Variants in LRFN5 observed in about 807,000 individuals in gnomAD.
The protein encoded by LRFN5 is leucine rich repeat and fibronectin type III domain containing 5.
A neutral mutation model predicts 45.6 loss-of-function variants in LRFN5; 24 were observed. The observed-to-expected ratio is 0.53, with a 90% CI of 0.38 to 0.74. The LOEUF (loss-of-function observed/expected upper bound fraction) is 0.74, where lower values mean the gene tolerates loss of function less well. Among genes scored for constraint, LRFN5 ranks in the 30% least tolerant of loss-of-function variants. The pLI is 0.00. For synonymous variants in LRFN5, 340 were observed against 313.8 expected, an observed-to-expected ratio of 1.08 and a Z score of -0.88; for missense variants, 776 against 861.5, an observed-to-expected ratio of 0.90 and a Z score of 1.24.
chr14:41,646,906 T>A (rs1305586905), intron 1 of LRFN5, among the ~76,000 whole-genome samples: 1 of 152,150 alleles, frequency 6.6e-6, no homozygotes, highest in Non-Finnish European at 1.5e-5. Context: ...CAAGCCACAC[T>A]CTGGGTGCTT....
Position 41,772,644 on chromosome 14 carries a change from A to C in LRFN5, c.-21+5615A>C, listed in dbSNP as rs1333736366. ...AAATTTGTATAGCACAGACCTTGCT[A>C]GTCAATTCCAAATTGATATATCTAA... On this transcript the variant is annotated intron_variant, in intron 2 of 5. Coordinates refer to ENST00000298119, the MANE Select transcript of LRFN5 (RefSeq NM_152447.5). 2.6e-5 allele frequency among the ~76,000 whole-genome samples: 4 copies of C among 152,210 alleles called. No homozygotes were observed. In the East Asian group the frequency reaches 7.7e-4, roughly 29 times the overall value.
chr14:41,623,511 G>A (rs575000738), intron 1 of LRFN5, among the ~76,000 whole-genome samples: 6 of 152,246 alleles, frequency 3.9e-5, no homozygotes, highest in African/African-American at 1.4e-4. Flanking sequence ...TGGCATGTCA[G>A]CAAAGTAATC....
chr14:41,660,197 T>A (rs865950762), intron 1 of LRFN5, among the ~76,000 whole-genome samples: 1 of 152,016 alleles, frequency 6.6e-6, no homozygotes, highest in Non-Finnish European at 1.5e-5. Context: ...AGATAATTTT[T>A]GTATTTTTAA....
intron 2 of LRFN5, among the ~76,000 whole-genome samples, chr14:41,825,289 G>A (rs1402503475): frequency 6.6e-6 from 1 of 152,162 alleles, no homozygotes. Flanking sequence ...AGGGTTGGGA[G>A]GGGGAGAAGT....
chr14:41,815,732 T>A (rs1432231433), intron 2 of LRFN5, among the ~76,000 whole-genome samples: 1 of 151,898 alleles, frequency 6.6e-6, no homozygotes, highest in Non-Finnish European at 1.5e-5. Flanking sequence ...GGTGACAGAG[T>A]GAGACCTTGT....
intron 1 of LRFN5, among the ~76,000 whole-genome samples, chr14:41,674,886 C>G (rs545541449): frequency 6.7e-6 from 1 of 149,864 alleles, no homozygotes; most frequent in Non-Finnish European, 1.5e-5. Context: ...GCTTCTCAGA[C>G]GGAACGGCCG....
chr14:41,867,551 T>C (rs1889881405), intron 2 of LRFN5, among the ~76,000 whole-genome samples: 1 of 152,158 alleles, frequency 6.6e-6, no homozygotes, highest in African/African-American at 2.4e-5. Context: ...AAGTTTTGTT[T>C]TGGTTAGGAT....
intron 1 of LRFN5, among the ~76,000 whole-genome samples, chr14:41,639,715 TAAA>T (rs1308429867): frequency 6.6e-6 from 1 of 152,134 alleles, no homozygotes; most frequent in Non-Finnish European, 1.5e-5. Context: ...AGAGTTATAA[TAAA>T]AACTGTTGCA....
At position 41,805,554 on chromosome 14, in the gene LRFN5, C is replaced by CA. The variant is rs927263829; in HGVS notation, c.-21+38525_-21+38526insA. Among the ~76,000 whole-genome samples the CA allele has an allele frequency of 5.3e-5, 6 of 112,622 alleles. 1 individual carries two copies. Among genetic ancestry groups the CA allele is most frequent in the Admixed American group, 4.8e-4 (5 of 10,450 alleles). 73.9% of individuals were successfully genotyped at this position (112,622 alleles called of 152,430 possible). A position where few individuals can be genotyped will look rare whatever the true frequency, so the allele number is the denominator to read the frequency against. ...TATATCTCCCAATGCTATCCCTCCA[C>CA]CCCCCCCACCCCACAGCAGTACCCA... is the stretch of plus-strand genomic sequence containing the variant. On this transcript the variant is annotated intron_variant, in intron 2 of 5. Transcript: ENST00000298119.
At chr14:41,663,722 GTGATTTAT>G (rs1880765777) in intron 1 of LRFN5, among the ~76,000 whole-genome samples, 1 of 151,932 alleles carries the variant, frequency 6.6e-6, no homozygotes. Flanking sequence ...TGATTTGGCA[GTGATTTAT>G]TCTTCTGCAC....
At chr14:41,834,608 A>C (rs76805527) in intron 2 of LRFN5, among the ~76,000 whole-genome samples, 1,900 of 152,268 alleles carry the variant, frequency 0.012, 38 homozygotes, top group African/African-American at 0.043. Flanking sequence ...ATCATGTTAA[A>C]TATTATAAAG....
At chr14:41,752,148 T>G (rs1415496031) in intron 1 of LRFN5, among the ~76,000 whole-genome samples, 1 of 152,242 alleles carries the variant, frequency 6.6e-6, no homozygotes, top group Admixed American at 6.5e-5. Flanking sequence ...CCACATTTTC[T>G]TAATCCAGTC....
intron 2 of LRFN5, among the ~76,000 whole-genome samples, chr14:41,785,081 T>G (rs190078663): frequency 6.7e-6 from 1 of 149,474 alleles, no homozygotes; most frequent in Non-Finnish European, 1.5e-5. Flanking sequence ...CCACTCTAGC[T>G]TTTTTTTGGA....
chr14:41,732,556 T>C (rs968620844), intron 1 of LRFN5, among the ~76,000 whole-genome samples: 6 of 152,090 alleles, frequency 3.9e-5, no homozygotes, highest in Admixed American at 1.3e-4. Flanking sequence ...AGGCGAACTC[T>C]GCAACAGAGA....
chr14:41,729,497 C>T (rs1884077951), intron 1 of LRFN5, among the ~76,000 whole-genome samples: 1 of 152,062 alleles, frequency 6.6e-6, no homozygotes, highest in African/African-American at 2.4e-5. Context: ...TTACCAGTCT[C>T]AGGTATTCCT....
At chr14:41,622,798 T>C (rs1947583852) in intron 1 of LRFN5, among the ~76,000 whole-genome samples, 1 of 152,186 alleles carries the variant, frequency 6.6e-6, no homozygotes, top group Non-Finnish European at 1.5e-5. Flanking sequence ...GTATTTGTTA[T>C]CATGATCTAT....
At chr14:41,854,382 G>A (rs1421052198) in intron 2 of LRFN5, among the ~76,000 whole-genome samples, 1 of 151,692 alleles carries the variant, frequency 6.6e-6, no homozygotes, top group Non-Finnish European at 1.5e-5. Context: ...GGAGGGGGAG[G>A]GATAGCATTA....
chr14:41,697,520 AC>A (rs1339013364), intron 1 of LRFN5, among the ~76,000 whole-genome samples: 1 of 151,744 alleles, frequency 6.6e-6, no homozygotes, highest in Non-Finnish European at 1.5e-5. Flanking sequence ...ATATCTTGAG[AC>A]TGTCTTATTT....
chr14:41,741,050 T>C (rs1269208425), intron 1 of LRFN5, among the ~76,000 whole-genome samples: 1 of 149,160 alleles, frequency 6.7e-6, no homozygotes, highest in Non-Finnish European at 1.5e-5. Flanking sequence ...TGATGAAAAC[T>C]ATAATAGGTG....
Sources: gnomAD v4.1 joint callset for allele counts (sites outside exome capture counted in the v4.1 genomes callset) on GRCh38, gnomAD v4.1.1 for gene constraint, MANE v1.5 for transcripts, NCBI Gene and HGNC (gene_info 2026-07-23, HGNC 2026-07-21) for gene names.